Variants in ZNF484 observed in about 807,000 individuals in gnomAD.
ZNF484 encodes zinc finger protein 484.
In ZNF484, 11 loss-of-function variants were observed where a neutral mutation model predicts 12.9. The observed-to-expected ratio is 0.85, with a 90% confidence interval of 0.54 to 1.41. ZNF484 has a LOEUF of 1.41. ZNF484 is among the 40% of genes most tolerant of loss of function. The pLI is 0.00. For missense variants in ZNF484, 807 were observed against 1,007.7 expected (o/e 0.80, Z 2.70); for synonymous variants, 289 against 334.1 (o/e 0.86, Z 1.47).
At chr9:92,869,599 G>C (rs1370251318) in intron 2 of ZNF484, among the ~76,000 whole-genome samples, 3 of 152,182 alleles carry the variant, frequency 2.0e-5, no homozygotes, top group Non-Finnish European at 4.4e-5. Context: ...CATATTAGAT[G>C]GAGGGTACAT....
At chr9:92,858,685 T>C (rs1856606645) in intron 2 of ZNF484, among the ~76,000 whole-genome samples, 1 of 151,766 alleles carries the variant, frequency 6.6e-6, no homozygotes, top group Non-Finnish European at 1.5e-5. Context: ...ATTAAGGAGA[T>C]AAAATAGTAA....
At chr9:92,857,389 G>A (rs1387553461) in intron 2 of ZNF484, among the ~76,000 whole-genome samples, 1 of 152,178 alleles carries the variant, frequency 6.6e-6, no homozygotes, top group Non-Finnish European at 1.5e-5. Flanking sequence ...GTAGAAGGCT[G>A]CAGCTGGGTG....
intron 2 of ZNF484, among the ~76,000 whole-genome samples, chr9:92,857,138 A>G (rs1273171776): frequency 6.6e-6 from 1 of 152,234 alleles, no homozygotes; most frequent in Non-Finnish European, 1.5e-5. Context: ...GCTTCCTTCA[A>G]CAATGAACTG....
Position 92,846,845 on chromosome 9 carries a change from T to C in ZNF484, c.1942A>G (p.Arg648Gly), listed in dbSNP as rs1392433292. ...CAECGKAFTDRSNLFTHQKIH... is the reference protein window; with the variant it reads ...CAECGKAFTDGSNLFTHQKIH... ...TTCTGGTGTGTAAAGAGATTTGATCTGTCAGTAAAAGCCTTTCCACATTCA... is the reference window on the plus strand; with the variant it reads ...TTCTGGTGTGTAAAGAGATTTGATCCGTCAGTAAAAGCCTTTCCACATTCA... Residue 648 changes from arginine (R) to glycine (G), a missense_variant, in exon 5 of 5, where the codon AGA (arginine) becomes GGA (glycine). Arg to Gly is a moderately radical substitution (Grantham distance 125). Transcript: ENST00000375495. 1 of 1,614,032 alleles carries C rather than the reference T, an allele frequency of 6.2e-7. No homozygotes were observed. Among genetic ancestry groups the C allele is most frequent in the South Asian group, 1.1e-5 (1 of 91,082 alleles).
At chr9:92,854,124 G>C (rs1856283916) in intron 4 of ZNF484, among the ~76,000 whole-genome samples, 4 of 152,136 alleles carry the variant, frequency 2.6e-5, no homozygotes, top group Admixed American at 2.6e-4. Context: ...ATGAGGCTTA[G>C]AAAACATCAG....
intron 2 of ZNF484, among the ~76,000 whole-genome samples, chr9:92,862,905 C>T (rs1360186407): frequency 6.6e-6 from 1 of 152,120 alleles, no homozygotes; most frequent in Non-Finnish European, 1.5e-5. Flanking sequence ...ACCCAGCAAT[C>T]CCATTACTGG....
At chr9:92,855,699 C>G in intron 4 of ZNF484, 112 bp downstream of exon 4, 1 of 933,624 alleles carries the variant, frequency 1.1e-6, no homozygotes, top group Non-Finnish European at 1.7e-6. Flanking sequence ...CCAAGCAGTT[C>G]TAAAAGTCAT....
At chr9:92,875,701 C>G (rs1857758597) in intron 1 of ZNF484, among the ~76,000 whole-genome samples, 1 of 152,196 alleles carries the variant, frequency 6.6e-6, no homozygotes, top group South Asian at 2.1e-4. Context: ...ACACCTGTTT[C>G]TGCACTGGGG....
chr9:92,863,655 T>G (rs1411921133), intron 2 of ZNF484, among the ~76,000 whole-genome samples: 2 of 152,226 alleles, frequency 1.3e-5, no homozygotes, highest in African/African-American at 4.8e-5. Context: ...TTATTCGTTT[T>G]GTATACTCTG....
At chr9:92,869,281 GAAAAC>G (rs1857290135) in intron 2 of ZNF484, among the ~76,000 whole-genome samples, 1 of 152,112 alleles carries the variant, frequency 6.6e-6, no homozygotes, top group Admixed American at 6.6e-5. Flanking sequence ...TGTATGTATG[GAAAAC>G]AAAACAAATG....
chr9:92,846,221 A>G lies in ZNF484; in HGVS notation c.*7T>C. ...CAGCTATATGATCCAGATGTTCATA[A>G]TTCTAACTAGATAGAAGAAAGTTGG... On this transcript the variant is annotated 3_prime_UTR_variant, in exon 5 of 5. Coordinates refer to ENST00000375495, the MANE Select transcript of ZNF484 (RefSeq NM_031486.4). 1 of 1,609,988 alleles carries G rather than the reference A, an allele frequency of 6.2e-7. No individual in the cohort carries two copies. The highest frequency in any genetic ancestry group is 8.5e-7 in the Non-Finnish European group (1 of 1,178,174).
chr9:92,850,388 A>G (rs1474375406), intron 4 of ZNF484, among the ~76,000 whole-genome samples: 2 of 152,172 alleles, frequency 1.3e-5, no homozygotes, highest in Non-Finnish European at 2.9e-5. Context: ...AATCCTCACA[A>G]TCTTCCTGTT....
intron 2 of ZNF484, among the ~76,000 whole-genome samples, chr9:92,866,280 T>G (rs1162639322): frequency 2.0e-5 from 3 of 152,170 alleles, no homozygotes; most frequent in African/African-American, 7.2e-5. Context: ...TACAGGGAAC[T>G]TAAAAACACA....
In ZNF484 at chr9:92,846,411, A is replaced by C; in HGVS notation, c.2376T>G (p.Ile792Met). ...GKAFTIRSNL[I>M]KHQKIHTKQK... ...GTTTAGTATGAATTTTCTGGTGTTT[A>C]ATAAGATTTGATCTGATGGTGAAGG... The change falls in exon 5 of 5, where the codon ATT becomes ATG. Residue 792 changes from isoleucine to methionine, a missense_variant. By Grantham distance (10) the Ile-to-Met change is conservative (BLOSUM62 1). Transcript: ENST00000375495. 1 of 1,614,140 alleles carries C rather than the reference A, an allele frequency of 6.2e-7. No homozygotes were observed. The highest frequency in any genetic ancestry group is 8.5e-7 in the Non-Finnish European group (1 of 1,180,002).
At chr9:92,850,733 G>GC (rs1856022575) in intron 4 of ZNF484, among the ~76,000 whole-genome samples, 1 of 152,044 alleles carries the variant, frequency 6.6e-6, no homozygotes, top group South Asian at 2.1e-4. Context: ...ACAGACATGT[G>GC]CCGCCATACA....
At position 92,856,261 on chromosome 9, in the gene ZNF484, A is replaced by G; in HGVS notation, c.73T>C (p.Leu25=). 1 of 1,613,686 alleles carries G rather than the reference A, an allele frequency of 6.2e-7. No individual in the cohort carries two copies. Among genetic ancestry groups the G allele is most frequent in the Non-Finnish European group, 8.5e-7 (1 of 1,179,880 alleles). Residue 25 remains leucine, a synonymous_variant, in exon 3 of 5, where the codon TTA becomes CTA. Transcript: ENST00000375495. The part of the protein sequence containing the change: ...VDFSRDEWQQ[L]DLAQKSLYRE... The stretch of plus-strand genomic sequence containing the variant: ...TACAGGCTTTTCTGAGCAAGGTCTA[A>G]TTGTTGCCACTCATCCCTACTGAAG...
chr9:92,847,632 T>C lies in ZNF484; in HGVS notation c.1155A>G (p.Glu385=). 2 of 1,614,006 alleles carry C rather than the reference T, an allele frequency of 1.2e-6. No homozygotes were observed. Among genetic ancestry groups the C allele is most frequent in the South Asian group, 2.2e-5 (2 of 91,014 alleles). ...KKIHTGGKHF[E]CTECGKAFTR... ...TGAAAGCTTTTCCACATTCAGTACA[T>C]TCAAAGTGTTTCCCTCCAGTATGAA... Residue 385 remains glutamate (E), a synonymous_variant, in exon 5 of 5, where the codon GAA becomes GAG. Coordinates refer to ENST00000375495, the MANE Select transcript of ZNF484 (RefSeq NM_031486.4).
chr9:92,854,257 G>C (rs1429786097), intron 4 of ZNF484, among the ~76,000 whole-genome samples: 1 of 152,094 alleles, frequency 6.6e-6, no homozygotes, highest in Non-Finnish European at 1.5e-5. Flanking sequence ...TTAAAAATTT[G>C]GATAATACTA....
At chr9:92,871,246 A>C (rs956722569) in intron 2 of ZNF484, among the ~76,000 whole-genome samples, 6 of 152,216 alleles carry the variant, frequency 3.9e-5, no homozygotes, top group Non-Finnish European at 7.3e-5. Flanking sequence ...GAGATGAAAA[A>C]ACCAAATGAA....
Sources: gnomAD v4.1 joint callset for allele counts (sites outside exome capture counted in the v4.1 genomes callset) on GRCh38, gnomAD v4.1.1 for gene constraint, MANE v1.5 for transcripts, NCBI Gene and HGNC (gene_info 2026-07-23, HGNC 2026-07-21) for gene names.